The following AK8 variants were observed in gnomAD, a reference collection of about 807,000 sequenced individuals.
AK8 encodes ATP-AMP transphosphorylase 8.
Under a neutral mutation model 54.6 loss-of-function variants are expected in AK8, and 44 were observed. The observed-to-expected ratio is 0.81, with a 90% CI of 0.63 to 1.04. The LOEUF (loss-of-function observed/expected upper bound fraction) is 1.04. Ranked by LOEUF, AK8 falls within the 50% of genes least tolerant of loss-of-function variation. The probability of loss-of-function intolerance (pLI) is 0.00; values close to 1 mark genes in which losing one functional copy is unlikely to be tolerated. For missense variants in AK8, 555 were observed against 613.6 expected, an observed-to-expected ratio of 0.90 and a Z score of 1.01; for synonymous variants, 239 against 245.6, an observed-to-expected ratio of 0.97 and a Z score of 0.25.
chr9:132,725,603 T>A lies in AK8; in HGVS notation c.*85A>T. 6 of 1,270,826 alleles carry A rather than the reference T, an allele frequency of 4.7e-6. No individual in the cohort carries two copies. The East Asian group carries it at 1.5e-4, about 32-fold the overall frequency. 78.7% of individuals were successfully genotyped at this position (1,270,826 alleles called of 1,614,324 possible). ...CTGTATCCAGCAGGCTTTATTGGCTTTTTAGGGGAGCTGTGCCGAGGCTGG... is the reference window on the plus strand; with the variant it reads ...CTGTATCCAGCAGGCTTTATTGGCTATTTAGGGGAGCTGTGCCGAGGCTGG... On this transcript the variant is annotated 3_prime_UTR_variant, in exon 13 of 13. Transcript: ENST00000298545.
At position 132,872,966 on chromosome 9, in the gene AK8, C is replaced by T. The variant is rs886667444; in HGVS notation, c.169+2149G>A. Among the ~76,000 whole-genome samples, 4 of 152,342 alleles carry T rather than the reference C, an allele frequency of 2.6e-5. No individual in the cohort carries two copies. In the Middle Eastern group the frequency reaches 0.01, roughly 391 times the overall value. On this transcript the variant is annotated intron_variant, in intron 2 of 12. Coordinates refer to ENST00000298545, the MANE Select transcript of AK8 (RefSeq NM_152572.3). Reference sequence around the variant, plus strand: ...AGCTGGGACTACAGGCGCCCGCCACCACGCCCAGCTAATTTTTTTTTTATT... The same window carrying T: ...AGCTGGGACTACAGGCGCCCGCCACTACGCCCAGCTAATTTTTTTTTTATT...
intron 11 of AK8, among the ~76,000 whole-genome samples, chr9:132,739,636 A>G (rs1003581134): frequency 4.0e-5 from 6 of 151,516 alleles, no homozygotes; most frequent in African/African-American, 1.5e-4. Flanking sequence ...GCTCATGCCT[A>G]TAATCCCAGC....
At chr9:132,777,553 A>G (rs1204496153) in intron 11 of AK8, among the ~76,000 whole-genome samples, 5 of 152,336 alleles carry the variant, frequency 3.3e-5, no homozygotes, top group Admixed American at 2.6e-4. Flanking sequence ...TCAGTTGTAC[A>G]GAGTATTTTC....
chr9:132,844,072 A>G (rs1842643603), intron 5 of AK8, among the ~76,000 whole-genome samples: 1 of 152,152 alleles, frequency 6.6e-6, no homozygotes, highest in Non-Finnish European at 1.5e-5. Flanking sequence ...TTTCCCCCCA[A>G]GTTTCCAGAA....
rs544703122 is a variant in AK8 at position 132,803,713 on chromosome 9, C to A, written c.979+10925G>T. 6.6e-6 allele frequency among the ~76,000 whole-genome samples: 1 copy of A among 152,138 alleles called. No individual in the cohort carries two copies. The highest frequency in any genetic ancestry group is 2.4e-5 in the African/African-American group (1 of 41,428). On this transcript the variant is annotated intron_variant, in intron 10 of 12. Coordinates refer to ENST00000298545, the MANE Select transcript of AK8 (RefSeq NM_152572.3). This position sits in a 1 kb window ranked among gnomAD's most constrained non-coding sequence, Gnocchi z 4.4. ...GGAACCAAGTCTGTGTGATTCTGAG[C>A]CACGGCCCCTCCCATCTGGGAGTGA...
intron 7 of AK8, chr9:132,827,719 C>G (rs956933725): frequency 2.3e-6 from 1 of 427,998 alleles, no homozygotes; most frequent in East Asian, 4.1e-5. Flanking sequence ...AGACATGTCC[C>G]CTGGCTCCTG....
chr9:132,728,509 G>A (rs1836681105), intron 11 of AK8, among the ~76,000 whole-genome samples: 1 of 152,214 alleles, frequency 6.6e-6, no homozygotes, highest in Admixed American at 6.5e-5. Context: ...CCCTGGTGTT[G>A]AAGATTTAAC....
chr9:132,817,322 G>A (rs182500119), intron 9 of AK8, among the ~76,000 whole-genome samples: 38 of 152,306 alleles, frequency 2.5e-4, no homozygotes, highest in African/African-American at 8.9e-4. Context: ...ACAATGTCTA[G>A]CATTTAATCA....
intron 11 of AK8, among the ~76,000 whole-genome samples, chr9:132,747,153 C>G (rs1244938611): frequency 6.6e-6 from 1 of 152,158 alleles, no homozygotes; most frequent in Non-Finnish European, 1.5e-5. Flanking sequence ...TGCTGAATTA[C>G]TTCTTTGAGA....
chr9:132,744,674 A>G (rs910335447), intron 11 of AK8, among the ~76,000 whole-genome samples: 2 of 152,208 alleles, frequency 1.3e-5, no homozygotes, highest in African/African-American at 2.4e-5. Flanking sequence ...GAGAACCCCA[A>G]TATGTTTACA....
chr9:132,810,056 G>C (rs528764876), intron 10 of AK8, among the ~76,000 whole-genome samples: 1 of 152,182 alleles, frequency 6.6e-6, no homozygotes, highest in African/African-American at 2.4e-5. Context: ...TGGTTTTCTC[G>C]GCAGCTTCTC....
intron 3 of AK8, among the ~76,000 whole-genome samples, chr9:132,865,876 G>T (rs1331489633): frequency 6.6e-6 from 1 of 151,632 alleles, no homozygotes; most frequent in Non-Finnish European, 1.5e-5. Context: ...TCAGATGAAT[G>T]AAATTTTAAC....
intron 11 of AK8, among the ~76,000 whole-genome samples, chr9:132,749,418 G>A (rs1323483395): frequency 1.3e-5 from 2 of 151,864 alleles, no homozygotes; most frequent in African/African-American, 2.4e-5. Flanking sequence ...GCTCTTGTGC[G>A]AGGCCCCTCG....
chr9:132,762,239 C>G (rs1039588062), intron 11 of AK8, among the ~76,000 whole-genome samples: 1 of 152,170 alleles, frequency 6.6e-6, no homozygotes, highest in African/African-American at 2.4e-5. Flanking sequence ...AAGGAATCCA[C>G]TTTTGCTCTA....
In AK8 at chr9:132,826,969, C is replaced by T. The variant is rs1417409170; in HGVS notation, c.642G>A (p.Glu214=). 2 of 1,614,270 alleles carry T rather than the reference C, an allele frequency of 1.2e-6. No individual in the cohort carries two copies. Among genetic ancestry groups the T allele is most frequent in the Admixed American group, 1.7e-5 (1 of 60,034 alleles). The change falls in exon 8 of 13, where the codon GAG becomes GAA. Residue 214 remains glutamate (E), a synonymous_variant. Transcript: ENST00000298545. The surrounding 1 kb of genome is among the most constrained non-coding windows in gnomAD (Gnocchi z 4.5). ...LMVPEDISEL[E]TAQKLLEYHR... ...GATACTCCAGCAGTTTCTGAGCCGT[C>T]TCCAGCTCTGAGATGTCCTCTGGCA...
intron 11 of AK8, among the ~76,000 whole-genome samples, chr9:132,763,847 C>T (rs948140472): frequency 2.6e-5 from 4 of 152,160 alleles, no homozygotes; most frequent in African/African-American, 7.2e-5. Context: ...CCAAAGCCTA[C>T]AGGGTACAGC....
intron 11 of AK8, among the ~76,000 whole-genome samples, chr9:132,765,444 C>T (rs2131069098): frequency 6.6e-6 from 1 of 151,898 alleles, no homozygotes; most frequent in East Asian, 1.9e-4. Context: ...TTAATAGATG[C>T]AGAAAAATCA....
At chr9:132,821,087 T>C (rs1453598500) in intron 9 of AK8, among the ~76,000 whole-genome samples, 1 of 151,990 alleles carries the variant, frequency 6.6e-6, no homozygotes, top group African/African-American at 2.4e-5. Context: ...GGCAGGTAAT[T>C]TCATCTCTTC....
chr9:132,771,451 G>A (rs182955288), intron 11 of AK8, among the ~76,000 whole-genome samples: 31 of 152,296 alleles, frequency 2.0e-4, no homozygotes, highest in African/African-American at 6.0e-4. Context: ...TCCCTGGATC[G>A]TACAATCCTC....
Sources: gnomAD v4.1 joint callset for allele counts (sites outside exome capture counted in the v4.1 genomes callset) on GRCh38, gnomAD v4.1.1 for gene constraint, Gnocchi (gnomAD v3.1) non-coding constraint, MANE v1.5 for transcripts, NCBI Gene and HGNC (gene_info 2026-07-23, HGNC 2026-07-21) for gene names.